WWTR1: variants seen among roughly 807,000 people sequenced by gnomAD.
WWTR1 encodes WW domain containing transcription regulator 1.
WWTR1 carries 13 observed loss-of-function variants against 40.1 expected under a neutral mutation model. That is an observed-to-expected ratio of 0.32 (90% CI 0.21 to 0.52). WWTR1 has a LOEUF of 0.52. Among genes scored for constraint, WWTR1 ranks in the 20% least tolerant of loss-of-function variants. WWTR1 has a pLI of 0.97. For synonymous variants in WWTR1, 230 were observed against 210.1 expected (o/e 1.09, Z -0.82); for missense variants, 436 against 523.1 (o/e 0.83, Z 1.63).
chr3:149,708,544 G>C (rs1277239831), intron 5 of WWTR1, among the ~76,000 whole-genome samples: 1 of 152,010 alleles, frequency 6.6e-6, no homozygotes, highest in African/African-American at 2.4e-5. Flanking sequence ...GACCACTCTA[G>C]GTATCTCATA....
intron 3 of WWTR1, among the ~76,000 whole-genome samples, chr3:149,549,495 G>A (rs957637982): frequency 6.6e-6 from 1 of 152,186 alleles, no homozygotes; most frequent in African/African-American, 2.4e-5. Flanking sequence ...AACAAGGAAA[G>A]TTTAAGAAAC....
intron 2 of WWTR1, among the ~76,000 whole-genome samples, chr3:149,615,766 G>A (rs1256833227): frequency 2.0e-5 from 3 of 152,194 alleles, no homozygotes; most frequent in Admixed American, 6.5e-5. Context: ...ACTTGGCCAA[G>A]GACTCAAGGC....
intron 4 of WWTR1, among the ~76,000 whole-genome samples, chr3:149,528,798 C>G (rs750289887): frequency 6.6e-6 from 1 of 152,080 alleles, no homozygotes; most frequent in South Asian, 2.1e-4. Flanking sequence ...AAAAGTCAAT[C>G]TATTTGACTA....
At chr3:149,530,119 G>A (rs572071799) in intron 4 of WWTR1, among the ~76,000 whole-genome samples, 1 of 152,112 alleles carries the variant, frequency 6.6e-6, no homozygotes, top group African/African-American at 2.4e-5. Context: ...AGGCTGAGGC[G>A]GGTGGATCAC....
chr3:149,530,747 A>G (rs909924302), intron 4 of WWTR1, among the ~76,000 whole-genome samples: 2 of 152,144 alleles, frequency 1.3e-5, no homozygotes, highest in Admixed American at 1.3e-4. Context: ...GTTCTAAATC[A>G]AAGAGAACAG....
rs1293838018 is a variant in WWTR1 at position 149,657,097 on chromosome 3, C to G, written c.210G>C (p.Ser70=). 1.3e-6 allele frequency: 2 copies of G among 1,575,422 alleles called. No homozygotes were observed. The highest frequency in any genetic ancestry group is 1.3e-5 in the African/African-American group (1 of 74,598). Residue 70 remains serine, a synonymous_variant, in exon 2 of 7, where the codon TCG becomes TCC. Coordinates refer to ENST00000360632, the MANE Select transcript of WWTR1 (RefSeq NM_015472.6). ...CCAGTCGAGGCCCCGGGTGGCCGCC[C>G]GACGAGTCGGTGCTGGACTGGCGCG... ...SHSRQSSTDS[S]GGHPGPRLAG...
chr3:149,573,831 A>T (rs1476205244), intron 2 of WWTR1, among the ~76,000 whole-genome samples: 3 of 152,146 alleles, frequency 2.0e-5, no homozygotes, highest in Non-Finnish European at 4.4e-5. Flanking sequence ...AGAAAGGTGG[A>T]CATGGCCTCC....
chr3:149,546,438 G>A (rs1263988311), intron 3 of WWTR1, among the ~76,000 whole-genome samples: 1 of 152,160 alleles, frequency 6.6e-6, no homozygotes, highest in Non-Finnish European at 1.5e-5. Flanking sequence ...CGTCCAGAAG[G>A]GGAAAAACCC....
chr3:149,530,501 A>G (rs1458806655), intron 4 of WWTR1, among the ~76,000 whole-genome samples: 3 of 151,950 alleles, frequency 2.0e-5, no homozygotes, highest in African/African-American at 7.2e-5. Flanking sequence ...ATAAAATTAT[A>G]AGAACAAATA....
intron 1 of WWTR1, among the ~76,000 whole-genome samples, chr3:149,678,822 A>AT (rs57101843): frequency 0.086 from 11,622 of 135,476 alleles, 790 homozygotes; most frequent in East Asian, 0.34. Context: ...GTTCACAAGT[A>AT]TTTTTTTTTT....
intron 4 of WWTR1, among the ~76,000 whole-genome samples, chr3:149,531,022 C>A (rs936876072): frequency 6.6e-6 from 1 of 151,992 alleles, no homozygotes; most frequent in African/African-American, 2.4e-5. Flanking sequence ...GCAACCTTCA[C>A]CTACCGGGTT....
At chr3:149,599,098 G>A (rs6790571) in intron 2 of WWTR1, among the ~76,000 whole-genome samples, 9,001 of 152,250 alleles carry the variant, frequency 0.059, 584 homozygotes, top group East Asian at 0.22. Context: ...AAATGGCAAT[G>A]ACCAAGGTCT....
At chr3:149,609,704 T>G (rs1451483705) in intron 2 of WWTR1, among the ~76,000 whole-genome samples, 7 of 152,206 alleles carry the variant, frequency 4.6e-5, no homozygotes, top group African/African-American at 7.2e-5. Flanking sequence ...ACCTTTGCAC[T>G]AGGAGATAGC....
intron 3 of WWTR1, among the ~76,000 whole-genome samples, chr3:149,557,582 A>G (rs2107967685): frequency 1.3e-5 from 2 of 152,330 alleles, no homozygotes; most frequent in African/African-American, 4.8e-5. Flanking sequence ...GGAATCTCAC[A>G]GCCAAATCTG....
intron 2 of WWTR1, among the ~76,000 whole-genome samples, chr3:149,585,777 A>G (rs1412067039): frequency 1.3e-5 from 2 of 152,238 alleles, no homozygotes; most frequent in Non-Finnish European, 2.9e-5. Context: ...AGAATATGTA[A>G]TGGATTTCCA....
chr3:149,574,122 C>A (rs1039767346), intron 2 of WWTR1, among the ~76,000 whole-genome samples: 2 of 152,120 alleles, frequency 1.3e-5, no homozygotes, highest in African/African-American at 4.8e-5. Flanking sequence ...CCCCGACATC[C>A]TGGGCTGAAG....
Position 149,578,322 on chromosome 3 carries a change from T to C in WWTR1, c.432-5322A>G, listed in dbSNP as rs146581639. On this transcript the variant is annotated intron_variant, in intron 2 of 6. Coordinates refer to ENST00000360632, the MANE Select transcript of WWTR1 (RefSeq NM_015472.6). The stretch of plus-strand genomic sequence containing the variant: ...AGGGGTAAAAAAGCTAACAATATAC[T>C]GGTTCCTCACTGTGAGGATAAAGCA... Among the ~76,000 whole-genome samples, 43 of 152,238 alleles carry C rather than the reference T, an allele frequency of 2.8e-4. 1 individual carries two copies. The highest frequency in any genetic ancestry group is 5.0e-4 in the Non-Finnish European group (34 of 68,016).
At chr3:149,577,367 A>G (rs1219680903) in intron 2 of WWTR1, among the ~76,000 whole-genome samples, 1 of 152,068 alleles carries the variant, frequency 6.6e-6, no homozygotes, top group Non-Finnish European at 1.5e-5. Context: ...AAAAAGAAAA[A>G]TCCTCTACAA....
intron 2 of WWTR1, 95 bp downstream of exon 2, chr3:149,656,781 T>TCACA (rs1396422378): frequency 4.4e-5 from 44 of 1,006,856 alleles, no homozygotes; most frequent in Middle Eastern, 3.4e-4. Flanking sequence ...TCTCTCTCTC[T>TCACA]CTCTCTCTCT....
Sources: gnomAD v4.1 joint callset for allele counts (sites outside exome capture counted in the v4.1 genomes callset) on GRCh38, gnomAD v4.1.1 for gene constraint, MANE v1.5 for transcripts, NCBI Gene and HGNC (gene_info 2026-07-23, HGNC 2026-07-21) for gene names.